TMEM132D: variants seen among roughly 807,000 people sequenced by gnomAD.
The protein encoded by TMEM132D is transmembrane protein 132D, also known as mature OL transmembrane protein.
TMEM132D carries 21 observed loss-of-function variants against 62.3 expected under a neutral mutation model. That is an observed-to-expected ratio of 0.34 (90% CI 0.24 to 0.49). TMEM132D has a LOEUF of 0.49. Ranked by LOEUF, TMEM132D falls within the 20% of genes least tolerant of loss-of-function variation. The pLI, the probability that TMEM132D is intolerant of heterozygous loss-of-function variation, is 0.99. For missense variants in TMEM132D, 1,346 were observed against 1,402.8 expected (o/e 0.96, Z 0.65); for synonymous variants, 621 against 575.6 (o/e 1.08, Z -1.13).
rs899096143 is a variant in TMEM132D at position 129,344,696 on chromosome 12, T to C, written c.1116-6879A>G. Among the ~76,000 whole-genome samples, 56 of 152,110 alleles carry C rather than the reference T, an allele frequency of 3.7e-4. 2 individuals carry two copies. The stretch of plus-strand genomic sequence containing the variant: ...CTCTGCTCTTCATATTAACCTGCCT[T>C]TTTCTCTTGCTGCATGAATCAATTT... On this transcript the variant is annotated intron_variant, in intron 3 of 8. Transcript: ENST00000422113.
chr12:129,119,239 G>C (rs569439433), intron 5 of TMEM132D, among the ~76,000 whole-genome samples: 1 of 152,168 alleles, frequency 6.6e-6, no homozygotes, highest in Non-Finnish European at 1.5e-5. Flanking sequence ...AGGAGTACAC[G>C]TAGATATACT....
At chr12:129,718,411 G>A (rs891513460) in intron 1 of TMEM132D, among the ~76,000 whole-genome samples, 2 of 152,194 alleles carry the variant, frequency 1.3e-5, no homozygotes, top group African/African-American at 2.4e-5. Flanking sequence ...AAACATTCAC[G>A]TCTGGTGCCC....
chr12:129,352,929 A>G (rs1415023486), intron 3 of TMEM132D, among the ~76,000 whole-genome samples: 2 of 152,220 alleles, frequency 1.3e-5, no homozygotes, highest in Non-Finnish European at 2.9e-5. Context: ...CCAAAGGATT[A>G]CAAATCATTC....
chr12:129,164,005 C>G (rs1471677437), intron 5 of TMEM132D, among the ~76,000 whole-genome samples: 2 of 152,320 alleles, frequency 1.3e-5, no homozygotes, highest in Non-Finnish European at 2.9e-5. Context: ...AATGGGTTCC[C>G]AGGCCTTCCC....
chr12:129,639,150 A>G (rs1879576587), intron 2 of TMEM132D, among the ~76,000 whole-genome samples: 1 of 152,234 alleles, frequency 6.6e-6, no homozygotes, highest in South Asian at 2.1e-4. Context: ...TGGGAGGCTG[A>G]GGCGGGCGGA....
chr12:129,384,455 T>G (rs1383615620), intron 3 of TMEM132D, among the ~76,000 whole-genome samples: 1 of 151,298 alleles, frequency 6.6e-6, no homozygotes, highest in African/African-American at 2.4e-5. Context: ...TTAAAAAAAG[T>G]CTCAGAACTC....
At chr12:129,292,040 A>G (rs1881462698) in intron 4 of TMEM132D, among the ~76,000 whole-genome samples, 1 of 152,138 alleles carries the variant, frequency 6.6e-6, no homozygotes, top group South Asian at 2.1e-4. Flanking sequence ...GAAGGGAGAA[A>G]GTATCATGGG....
At chr12:129,077,778 A>T (rs1271369610) in intron 8 of TMEM132D, among the ~76,000 whole-genome samples, 1 of 151,834 alleles carries the variant, frequency 6.6e-6, no homozygotes, top group Non-Finnish European at 1.5e-5. Flanking sequence ...ACACACATAT[A>T]TACATGCATA....
At chr12:129,675,028 A>G (rs1311657092) in intron 2 of TMEM132D, among the ~76,000 whole-genome samples, 1 of 152,218 alleles carries the variant, frequency 6.6e-6, no homozygotes, top group Non-Finnish European at 1.5e-5. Flanking sequence ...GAAAATGGAT[A>G]ATATGATTGT....
At chr12:129,550,634 G>GTGCTAAAC (rs1876868757) in intron 2 of TMEM132D, among the ~76,000 whole-genome samples, 2 of 152,332 alleles carry the variant, frequency 1.3e-5, no homozygotes, top group Non-Finnish European at 2.9e-5. Context: ...TGAAAGCTAA[G>GTGCTAAAC]TGCTAAACTG....
intron 2 of TMEM132D, among the ~76,000 whole-genome samples, chr12:129,684,118 TATA>T: frequency 6.6e-6 from 1 of 152,094 alleles, no homozygotes; most frequent in African/African-American, 2.4e-5. Context: ...CCCAAATAAT[TATA>T]ATAATAATAA....
chr12:129,104,371 C>T (rs1875417150), intron 5 of TMEM132D, among the ~76,000 whole-genome samples: 3 of 152,022 alleles, frequency 2.0e-5, no homozygotes, highest in South Asian at 2.1e-4. Context: ...CCCTTCTTTA[C>T]ACCTTATACA....
intron 2 of TMEM132D, among the ~76,000 whole-genome samples, chr12:129,547,675 G>A (rs1349698718): frequency 4.6e-5 from 7 of 152,224 alleles, no homozygotes; most frequent in Non-Finnish European, 1.0e-4. Flanking sequence ...ACTAGAAAGT[G>A]TGAGATGAGT....
chr12:129,481,379 C>A (rs1327786643), intron 3 of TMEM132D, among the ~76,000 whole-genome samples: 1 of 150,756 alleles, frequency 6.6e-6, no homozygotes, highest in South Asian at 2.1e-4. Context: ...GGGAGGATCA[C>A]TTGAGCCTGG....
intron 5 of TMEM132D, among the ~76,000 whole-genome samples, chr12:129,100,291 G>T (rs1875258427): frequency 6.6e-6 from 1 of 152,164 alleles, no homozygotes. Context: ...ACCTGCCTTG[G>T]CCTTCCCAAG....
At chr12:129,749,249 G>T (rs541968573) in intron 1 of TMEM132D, among the ~76,000 whole-genome samples, 234 of 152,246 alleles carry the variant, frequency 1.5e-3, no homozygotes, top group African/African-American at 5.4e-3. Context: ...CAGATAGAAC[G>T]TGGCAGAGCC....
intron 4 of TMEM132D, among the ~76,000 whole-genome samples, chr12:129,269,211 G>A (rs1880784741): frequency 1.3e-5 from 2 of 151,920 alleles, no homozygotes; most frequent in African/African-American, 2.4e-5. Flanking sequence ...TCTGATCTCT[G>A]TGTCACTGTT....
chr12:129,696,024 C>G (rs1280443226), intron 2 of TMEM132D, among the ~76,000 whole-genome samples: 2 of 152,132 alleles, frequency 1.3e-5, no homozygotes, highest in Non-Finnish European at 2.9e-5. Context: ...AAGAAGAAAT[C>G]CTATTCTGGG....
chr12:129,097,369 C>T (rs937819054), intron 5 of TMEM132D, among the ~76,000 whole-genome samples: 5 of 152,228 alleles, frequency 3.3e-5, no homozygotes, highest in African/African-American at 7.2e-5. Flanking sequence ...CTCTGTTAGA[C>T]AGATGAGGGG....
Sources: allele counts gnomAD v4.1 joint callset (sites outside exome capture counted in the v4.1 genomes callset), GRCh38; gene constraint gnomAD v4.1.1; transcripts MANE v1.5; gene names NCBI Gene and HGNC (gene_info 2026-07-23, HGNC 2026-07-21).